The following IL7 variants were observed in gnomAD, a reference collection of about 807,000 sequenced individuals.
IL7 encodes the protein interleukin 7, also known as interleukin-7.
IL7 carries 3 observed loss-of-function variants against 21.6 expected under a neutral mutation model. That is an observed-to-expected ratio of 0.14 (90% CI 0.06 to 0.36). IL7 has a LOEUF of 0.36. IL7 is among the 10% of genes least tolerant of loss of function. The pLI, the probability that IL7 is intolerant of heterozygous loss-of-function variation, is 1.00. For missense variants in IL7, 175 were observed against 200.2 expected (o/e 0.87, Z 0.76); for synonymous variants, 62 against 68.1 (o/e 0.91, Z 0.44).
chr8:78,742,808 G>A (rs1811838060), intron 2 of IL7, among the ~76,000 whole-genome samples: 1 of 151,732 alleles, frequency 6.6e-6, no homozygotes, highest in South Asian at 2.1e-4. Flanking sequence ...GGTTTTTTTT[G>A]TATAGATTAT....
chr8:78,744,771 G>A (rs562980713), intron 2 of IL7, among the ~76,000 whole-genome samples: 2 of 152,218 alleles, frequency 1.3e-5, no homozygotes, highest in African/African-American at 4.8e-5. Context: ...CAAGACTCCC[G>A]TATCTCTGTG....
At chr8:78,693,048 A>G (rs893135117) in intron 3 of IL7, among the ~76,000 whole-genome samples, 6 of 151,950 alleles carry the variant, frequency 3.9e-5, no homozygotes, top group Admixed American at 6.5e-5. Context: ...ATGTCCCTAC[A>G]AAGGACATGA....
chr8:78,767,003 C>A (rs72661363), intron 2 of IL7, among the ~76,000 whole-genome samples: 1 of 151,978 alleles, frequency 6.6e-6, no homozygotes, highest in South Asian at 2.1e-4. Context: ...CTCATTATAG[C>A]TTACATTTGC....
chr8:78,752,044 G>A (rs1471133618), intron 2 of IL7, among the ~76,000 whole-genome samples: 1 of 152,072 alleles, frequency 6.6e-6, no homozygotes, highest in East Asian at 1.9e-4. Context: ...GTGACTGACC[G>A]ATTTGGCTTA....
intron 4 of IL7, among the ~76,000 whole-genome samples, chr8:78,681,417 AT>A (rs1428692961): frequency 6.6e-6 from 1 of 152,200 alleles, no homozygotes; most frequent in African/African-American, 2.4e-5. Context: ...GTGATCAGAT[AT>A]TTTGCTGTAA....
chr8:78,774,254 C>G (rs1429834641), intron 2 of IL7, among the ~76,000 whole-genome samples: 1 of 152,058 alleles, frequency 6.6e-6, no homozygotes, highest in Admixed American at 6.6e-5. Flanking sequence ...CTTGCCTCTT[C>G]TTCATCTAAT....
At chr8:78,741,926 G>A (rs1037553454) in intron 2 of IL7, among the ~76,000 whole-genome samples, 1 of 152,130 alleles carries the variant, frequency 6.6e-6, no homozygotes, top group African/African-American at 2.4e-5. Context: ...AACTTAGATG[G>A]CCATCTTTTG....
At chr8:78,788,089 C>G (rs1241838465) in intron 2 of IL7, among the ~76,000 whole-genome samples, 1 of 152,156 alleles carries the variant, frequency 6.6e-6, no homozygotes, top group Non-Finnish European at 1.5e-5. Flanking sequence ...TCCATGGAAT[C>G]AGTAGTGATG....
Position 78,725,609 on chromosome 8 carries a change from G to A in IL7, n.268-4169C>T, listed in dbSNP as rs143611132. 4.6e-3 allele frequency among the ~76,000 whole-genome samples: 694 copies of A among 152,098 alleles called. 10 individuals are homozygous for A. The highest frequency in any genetic ancestry group is 0.016 in the African/African-American group (670 of 41,514). ...GTCTAACTTGTGCTTTCCTTTTACA[G>A]TGGCTGTAGTAATGGGGGATGTGTT... On this transcript the variant is annotated intron_variant and non_coding_transcript_variant, in intron 3 of 6. Transcript: ENST00000519833.
chr8:78,684,140 C>T (rs1809877402), intron 4 of IL7, among the ~76,000 whole-genome samples: 1 of 152,180 alleles, frequency 6.6e-6, no homozygotes, highest in Non-Finnish European at 1.5e-5. Context: ...GTTGCTTACA[C>T]ATTTTGGGGT....
chr8:78,708,744 G>C (rs1356900321), intron 3 of IL7, among the ~76,000 whole-genome samples: 1 of 149,190 alleles, frequency 6.7e-6, no homozygotes, highest in Non-Finnish European at 1.5e-5. Flanking sequence ...GCAATGGTGC[G>C]ATCTTGGCTC....
At chr8:78,793,431 C>T (rs552909872) in intron 2 of IL7, among the ~76,000 whole-genome samples, 6 of 152,054 alleles carry the variant, frequency 3.9e-5, no homozygotes, top group African/African-American at 1.2e-4. Context: ...GTTTGGTTTC[C>T]CAGCATATAA....
chr8:78,798,697 T>A (rs1389332779), intron 1 of IL7, among the ~76,000 whole-genome samples: 1 of 152,078 alleles, frequency 6.6e-6, no homozygotes, highest in Non-Finnish European at 1.5e-5. Context: ...CTCCCTGGGA[T>A]TGCACTGTAA....
intron 2 of IL7, 93 bp downstream of exon 2, chr8:78,797,979 G>A (rs74305243): frequency 5.2e-6 from 5 of 966,518 alleles, no homozygotes; most frequent in East Asian, 5.0e-5. Flanking sequence ...TTCTTGTCAA[G>A]AAAGATGAAT....
rs778393767 is a variant in IL7 at position 78,697,546 on chromosome 8, C to T, written n.215-11599G>A. ...AAAGCAACTTGATTTGTTTTTGAAA[C>T]CATGTTGGCAGAGCAGGAAATAAAG... On this transcript the variant is annotated intron_variant and non_coding_transcript_variant, in intron 3 of 4. Transcript: ENST00000523959. The T allele has an allele frequency of 7.4e-6, 11 of 1,493,796 alleles. No individual in the cohort carries two copies. The South Asian group carries it at 1.2e-4, about 16-fold the overall frequency. 92.5% of individuals were successfully genotyped at this position (1,493,796 alleles called of 1,614,324 possible).
chr8:78,726,858 A>G (rs964369796), intron 3 of IL7, among the ~76,000 whole-genome samples: 4 of 152,028 alleles, frequency 2.6e-5, no homozygotes, highest in African/African-American at 9.7e-5. Context: ...TTAGTCATTA[A>G]TTCTAGTTTC....
At chr8:78,737,312 A>G (rs1811628005) in intron 4 of IL7, among the ~76,000 whole-genome samples, 1 of 152,146 alleles carries the variant, frequency 6.6e-6, no homozygotes, top group Non-Finnish European at 1.5e-5. Context: ...AATTAATTGG[A>G]TGTGCAAGCA....
At chr8:78,804,859 T>A in intron 1 of IL7, 54 bp downstream of exon 1, 1 of 1,609,302 alleles carries the variant, frequency 6.2e-7, no homozygotes, top group Non-Finnish European at 8.5e-7. Context: ...GCGTCTGGGA[T>A]TGCCCCGGCG....
At chr8:78,738,417 A>T in intron 4 of IL7, 87 bp downstream of exon 4, 1 of 1,107,650 alleles carries the variant, frequency 9.0e-7, no homozygotes, top group South Asian at 1.7e-5. Context: ...GGATTCTATG[A>T]TAATGGATGT....
Sources: gnomAD v4.1 joint callset for allele counts (sites outside exome capture counted in the v4.1 genomes callset) on GRCh38, gnomAD v4.1.1 for gene constraint, MANE v1.5 for transcripts, NCBI Gene and HGNC (gene_info 2026-07-23, HGNC 2026-07-21) for gene names.